The following CGNL1 variants were observed in gnomAD, a reference collection of about 807,000 sequenced individuals.
CGNL1 encodes the protein cingulin like 1.
Under a neutral mutation model 141.2 loss-of-function variants are expected in CGNL1, and 132 were observed. The ratio of observed to expected loss-of-function variants is 0.93; its 90% confidence interval spans 0.81 to 1.08. The LOEUF is 1.08. Ranked by LOEUF, CGNL1 falls within the 50% of genes least tolerant of loss-of-function variation. CGNL1 has a pLI of 0.00. For synonymous variants in CGNL1, 690 were observed against 622.1 expected, an observed-to-expected ratio of 1.11 and a Z score of -1.63; for missense variants, 1,870 against 1,588.6, an observed-to-expected ratio of 1.18 and a Z score of -3.01.
intron 10 of CGNL1, among the ~76,000 whole-genome samples, chr15:57,521,365 A>G (rs1439128750): frequency 6.6e-6 from 1 of 152,236 alleles, no homozygotes; most frequent in African/African-American, 2.4e-5. Context: ...TGATTCCATC[A>G]GAAAAAGCTA....
chr15:57,498,975 C>T (rs1313520555), intron 8 of CGNL1, among the ~76,000 whole-genome samples: 5 of 152,012 alleles, frequency 3.3e-5, no homozygotes, highest in African/African-American at 1.2e-4. Flanking sequence ...TGCGTTTATC[C>T]TTAAGAGCGC....
intron 1 of CGNL1, among the ~76,000 whole-genome samples, chr15:57,408,316 T>G (rs1169638721): frequency 6.6e-6 from 1 of 151,976 alleles, no homozygotes; most frequent in Non-Finnish European, 1.5e-5. Context: ...AACACACACA[T>G]TCATACACAG....
chr15:57,483,468 C>CTTTTTTTTTTTTTT (rs60667956), intron 8 of CGNL1, among the ~76,000 whole-genome samples: 2 of 127,806 alleles, frequency 1.6e-5, no homozygotes, highest in Non-Finnish European at 3.3e-5. Flanking sequence ...ACAAAGTTTT[C>CTTTTTTTTTTTTTT]TTTTTTTTTT....
intron 1 of CGNL1, among the ~76,000 whole-genome samples, chr15:57,385,292 T>C (rs6493924): frequency 0.28 from 42,661 of 152,122 alleles, 7,432 homozygotes; most frequent in East Asian, 0.56. Flanking sequence ...CTAGCAGTTT[T>C]GGAGTCTGAG....
intron 13 of CGNL1, among the ~76,000 whole-genome samples, chr15:57,530,456 C>T (rs1473659651): frequency 2.0e-5 from 3 of 152,234 alleles, no homozygotes; most frequent in African/African-American, 7.2e-5. Context: ...CTACGTCTTG[C>T]CTGCTCCTTC....
chr15:57,509,038 AG>A (rs1446373184), intron 8 of CGNL1, among the ~76,000 whole-genome samples: 1 of 152,196 alleles, frequency 6.6e-6, no homozygotes, highest in African/African-American at 2.4e-5. Context: ...GGGAAGCTGA[AG>A]ACACAATATG....
rs1409277132 is a variant in CGNL1, at chr15:57,439,068, A to T, written c.1069A>T (p.Ile357Phe). The change falls in exon 2 of 19, where the codon ATT becomes TTT. Residue 357 changes from isoleucine to phenylalanine, a missense_variant. By Grantham distance (21) the Ile-to-Phe change is conservative. Transcript: ENST00000281282. ...TGSIPGVDQL[I>F]EKFDQKPGLQ... Reference sequence around the variant, plus strand: ...ATCAATTCCTGGTGTGGATCAGTTAATTGAAAAATTTGATCAAAAACCTGG... The same window carrying T: ...ATCAATTCCTGGTGTGGATCAGTTATTTGAAAAATTTGATCAAAAACCTGG... The T allele has an allele frequency of 6.2e-7, 1 of 1,613,784 alleles. No homozygotes were observed. Among genetic ancestry groups the T allele is most frequent in the Non-Finnish European group, 8.5e-7 (1 of 1,179,970 alleles).
At chr15:57,491,345 G>C (rs571843111) in intron 8 of CGNL1, among the ~76,000 whole-genome samples, 33 of 152,302 alleles carry the variant, frequency 2.2e-4, no homozygotes, top group Admixed American at 1.0e-3. Context: ...TGCCTCTTCT[G>C]TGAAGTCATC....
At chr15:57,400,750 G>A (rs1482364344) in intron 1 of CGNL1, among the ~76,000 whole-genome samples, 4 of 151,790 alleles carry the variant, frequency 2.6e-5, no homozygotes, top group African/African-American at 9.7e-5. Flanking sequence ...AGGCTTGGTG[G>A]CGCCTGCCTG....
chr15:57,486,390 A>T (rs1485886127), intron 8 of CGNL1, among the ~76,000 whole-genome samples: 1 of 152,108 alleles, frequency 6.6e-6, no homozygotes, highest in African/African-American at 2.4e-5. Context: ...GGGTCAAATA[A>T]ATCAGCGAGA....
chr15:57,426,467 G>T (rs1228642775), intron 1 of CGNL1, among the ~76,000 whole-genome samples: 2 of 141,032 alleles, frequency 1.4e-5, no homozygotes, highest in African/African-American at 5.3e-5. Context: ...TTTTTTTAAA[G>T]ACAGGTTCTC....
Position 57,539,969 on chromosome 15 carries a change from G to T in CGNL1, c.3292-3727G>T, listed in dbSNP as rs138602783. Among the ~76,000 whole-genome samples the T allele has an allele frequency of 6.2e-3, 940 of 152,264 alleles. 8 individuals are homozygous for T. Among genetic ancestry groups the T allele is most frequent in the Non-Finnish European group, 8.6e-3 (587 of 68,020 alleles). ...AAATGAGATAATACTATTCAAATCC[G>T]CAGGACTTGCTTTCCTAAGCACAAT... On this transcript the variant is annotated intron_variant, in intron 14 of 18. Transcript: ENST00000281282.
chr15:57,396,577 T>C (rs2062605409), intron 1 of CGNL1, among the ~76,000 whole-genome samples: 1 of 152,178 alleles, frequency 6.6e-6, no homozygotes. Flanking sequence ...CTGGCCTAAT[T>C]GTGTTCATTC....
chr15:57,508,952 G>A (rs1410950533), intron 8 of CGNL1, among the ~76,000 whole-genome samples: 1 of 152,208 alleles, frequency 6.6e-6, no homozygotes, highest in African/African-American at 2.4e-5. Context: ...ATTGGGAGAA[G>A]GGATGAAGTG....
At chr15:57,523,272 G>A (rs950432653) in intron 10 of CGNL1, among the ~76,000 whole-genome samples, 3 of 152,186 alleles carry the variant, frequency 2.0e-5, no homozygotes, top group African/African-American at 7.2e-5. Context: ...CATTCCTGTG[G>A]ATGTTTTTGG....
chr15:57,482,363 C>T (rs1595750968), intron 8 of CGNL1, among the ~76,000 whole-genome samples: 1 of 152,144 alleles, frequency 6.6e-6, no homozygotes, highest in East Asian at 1.9e-4. Context: ...TATTTTCCTA[C>T]CTTAGATCCC....
intron 14 of CGNL1, among the ~76,000 whole-genome samples, chr15:57,537,650 T>A (rs1347249624): frequency 1.3e-5 from 2 of 152,180 alleles, no homozygotes; most frequent in African/African-American, 4.8e-5. Flanking sequence ...TTATTGGCCA[T>A]CACAAATAGC....
chr15:57,516,955 C>T lies in CGNL1; in HGVS notation c.2579C>T (p.Ala860Val), dbSNP rs199779940. The T allele has an allele frequency of 1.2e-6, 2 of 1,613,702 alleles. No individual in the cohort carries two copies. The highest frequency in any genetic ancestry group is 1.7e-6 in the Non-Finnish European group (2 of 1,179,998). ...ATCGAGGACCTGAAAGGCGATGAAG[C>T]CAAGGCGAAGGAAACGCTGAAGAAG... ...RQIEDLKGDE[A>V]KAKETLKKYE... The change falls in exon 9 of 19, where the codon GCC becomes GTC. Residue 860 changes from alanine to valine, a missense_variant. By Grantham distance (64) the Ala-to-Val change is moderately conservative. Transcript: ENST00000281282.
chr15:57,465,342 G>C (rs1257669194), intron 8 of CGNL1, among the ~76,000 whole-genome samples: 1 of 151,046 alleles, frequency 6.6e-6, no homozygotes, highest in Non-Finnish European at 1.5e-5. Flanking sequence ...TCCTGCCCCA[G>C]GGGGAGAACC....
Sources: allele counts gnomAD v4.1 joint callset (sites outside exome capture counted in the v4.1 genomes callset), GRCh38; gene constraint gnomAD v4.1.1; transcripts MANE v1.5; gene names NCBI Gene and HGNC (gene_info 2026-07-23, HGNC 2026-07-21).